The following VPS29 variants were observed in gnomAD, a reference collection of about 807,000 sequenced individuals.
The protein encoded by VPS29 is vacuolar protein sorting-associated protein 29.
A neutral mutation model predicts 20.0 loss-of-function variants in VPS29; 2 were observed. The observed-to-expected ratio is 0.10, with a 90% CI of 0.04 to 0.31. The LOEUF is 0.31. VPS29 is among the 10% of genes least tolerant of loss of function. The probability of loss-of-function intolerance (pLI) is 1.00; values close to 1 mark genes in which losing one functional copy is unlikely to be tolerated. For synonymous variants in VPS29, 81 were observed against 79.3 expected (o/e 1.02, Z -0.12); for missense variants, 120 against 215.3 (o/e 0.56, Z 2.77).
chr12:110,499,832 C>A lies in VPS29; in HGVS notation c.3+2217G>T, dbSNP rs141517367. ...GTCTTGTCAGTTTCTCCTACTTTTC[C>A]TAATCTTGTTCTGTACATCGACTTC... On this transcript the variant is annotated intron_variant, in intron 1 of 3. Coordinates refer to ENST00000549578, the MANE Select transcript of VPS29 (RefSeq NM_016226.5). Among the ~76,000 whole-genome samples, 709 of 152,216 alleles carry A rather than the reference C, an allele frequency of 4.7e-3. 4 individuals carry two copies. Among genetic ancestry groups the A allele is most frequent in the African/African-American group, 0.017 (691 of 41,542 alleles).
chr12:110,502,024 T>G, intron 1 of VPS29, 25 bp downstream of exon 1: 1 of 1,612,676 alleles, frequency 6.2e-7, no homozygotes, highest in Non-Finnish European at 8.5e-7. Flanking sequence ...AGCCAGGCCT[T>G]GGTCGCCGCA....
chr12:110,499,467 T>C (rs2062959876), intron 1 of VPS29: 3 of 1,602,296 alleles, frequency 1.9e-6, no homozygotes, highest in Non-Finnish European at 2.6e-6. Flanking sequence ...CTTAAAAGGG[T>C]AAGAAATCCA....
chr12:110,499,998 T>C (rs1426077618), intron 1 of VPS29, among the ~76,000 whole-genome samples: 9 of 152,354 alleles, frequency 5.9e-5, no homozygotes, highest in Middle Eastern at 3.4e-3. Flanking sequence ...GGTTTAATTA[T>C]TCAAGTATAT....
intron 2 of VPS29, 46 bp from the exon 3 acceptor site, chr12:110,493,277 T>C: frequency 2.2e-6 from 3 of 1,336,866 alleles, no homozygotes; most frequent in East Asian, 2.7e-5. Flanking sequence ...TTAGAGATAC[T>C]GATGTTTAAA....
Position 110,496,091 on chromosome 12 carries a change from T to C in VPS29, c.116A>G (p.Asn39Ser). 1.9e-6 allele frequency: 3 copies of C among 1,613,910 alleles called. No homozygotes were observed. Among genetic ancestry groups the C allele is most frequent in the East Asian group, 2.2e-5 (1 of 44,882 alleles). The change falls in exon 2 of 4, where the codon AAC (asparagine) becomes AGC (serine). Residue 39 changes from asparagine (N) to serine (S), a missense_variant. By Grantham distance (46) the Asn-to-Ser change is conservative. Transcript: ENST00000549578. ...GKIQHILCTG[N>S]LCTKESYDYL... ...GTCATAACTCTCTTTGGTGCAAAGG[T>C]TTCCTGTGCAGAGAATGTGCTGAAT...
At chr12:110,498,579 C>T (rs969329819) in intron 1 of VPS29, among the ~76,000 whole-genome samples, 2 of 152,110 alleles carry the variant, frequency 1.3e-5, no homozygotes, top group Admixed American at 6.6e-5. Context: ...GAAAAGGAAC[C>T]GTTACCAGGA....
intron 1 of VPS29, 33 bp from the exon 2 acceptor site, chr12:110,496,236 G>A: frequency 6.5e-7 from 1 of 1,536,708 alleles, no homozygotes; most frequent in Non-Finnish European, 8.9e-7. Context: ...AAAGCATAAT[G>A]TTAAACACAA....
chr12:110,501,958 C>G (rs775807036), intron 1 of VPS29, 91 bp downstream of exon 1: 32 of 1,610,646 alleles, frequency 2.0e-5, no homozygotes, highest in Non-Finnish European at 2.7e-5. Flanking sequence ...CGGGATTTCC[C>G]AATTCCTCGC....
intron 1 of VPS29, among the ~76,000 whole-genome samples, chr12:110,499,763 T>C (rs2062968576): frequency 6.6e-6 from 1 of 152,190 alleles, no homozygotes; most frequent in African/African-American, 2.4e-5. Context: ...AAATAAATAT[T>C]TGCTTTATTT....
At position 110,491,095 on chromosome 12, in the gene VPS29, T is replaced by C. The variant is rs1333961015; in HGVS notation, c.*910A>G. ...TTTTTTTGTTTTGTTTTGTTTTTTT[T>C]TGAGACGGAGTTATGCTCTTGTTGA... is the stretch of plus-strand genomic sequence containing the variant. On this transcript the variant is annotated 3_prime_UTR_variant, in exon 4 of 4. Coordinates refer to ENST00000549578, the MANE Select transcript of VPS29 (RefSeq NM_016226.5). The C allele has an allele frequency of 6.6e-6, 1 of 152,216 alleles. No individual in the cohort carries two copies. The highest frequency in any genetic ancestry group is 1.5e-5 in the Non-Finnish European group (1 of 68,108). The allele number at this position is 152,216 out of a possible 1,614,324, so 9.4% of individuals were successfully genotyped here. A position where few individuals can be genotyped will look rare whatever the true frequency, so the allele number is the denominator to read the frequency against.
intron 3 of VPS29, among the ~76,000 whole-genome samples, chr12:110,492,484 C>T (rs1240690149): frequency 6.6e-6 from 1 of 151,560 alleles, no homozygotes; most frequent in Non-Finnish European, 1.5e-5. Flanking sequence ...GCACAAGAAT[C>T]ACTTGAACCC....
In VPS29 at chr12:110,496,073, C is replaced by G. The variant is rs1176349039; in HGVS notation, c.134G>C (p.Ser45Thr). ...AGCCAGAGTCTTGAGATAGTCATAA[C>G]TCTCTTTGGTGCAAAGGTTTCCTGT... is the stretch of plus-strand genomic sequence containing the variant. ...LCTGNLCTKE[S>T]YDYLKTLAGD... Residue 45 changes from serine (S) to threonine (T), a missense_variant, in exon 2 of 4, where the codon AGT becomes ACT. Ser to Thr is a moderately conservative substitution (Grantham distance 58). Coordinates refer to ENST00000549578, the MANE Select transcript of VPS29 (RefSeq NM_016226.5). The G allele has an allele frequency of 6.2e-7, 1 of 1,613,234 alleles. No individual in the cohort carries two copies.
chr12:110,499,272 A>G (rs912596486), intron 1 of VPS29: 1 of 390,322 alleles, frequency 2.6e-6, no homozygotes, highest in Non-Finnish European at 4.7e-6. Context: ...ATAGTGTTAC[A>G]TAACACGTGT....
chr12:110,500,440 T>C (rs1211427783), intron 1 of VPS29, among the ~76,000 whole-genome samples: 1 of 152,202 alleles, frequency 6.6e-6, no homozygotes, highest in Admixed American at 6.5e-5. Flanking sequence ...CTCCCATGGA[T>C]AGGTGTCTCG....
chr12:110,491,745 A>T lies in VPS29; in HGVS notation c.*260T>A. The T allele has an allele frequency of 2.9e-6, 1 of 347,360 alleles. No homozygotes were observed. Among genetic ancestry groups the T allele is most frequent in the Middle Eastern group, 8.5e-4 (1 of 1,172 alleles). 21.5% of individuals were successfully genotyped at this position (347,360 alleles called of 1,614,324 possible). A position where few individuals can be genotyped will look rare whatever the true frequency, so the allele number is the denominator to read the frequency against. On this transcript the variant is annotated 3_prime_UTR_variant, in exon 4 of 4. Transcript: ENST00000549578. ...CCAAATATCAACTTTGAAGATACTT[A>T]CAAGGATAAATTTTTCTTAACAAGT... is the stretch of plus-strand genomic sequence containing the variant.
At chr12:110,499,302 C>A in intron 1 of VPS29, 1 of 466,868 alleles carries the variant, frequency 2.1e-6, no homozygotes, top group Non-Finnish European at 3.7e-6. Flanking sequence ...AAACATGTTC[C>A]CGCCCAAATT....
At chr12:110,498,894 A>G (rs2062949296) in intron 1 of VPS29, 2 of 953,224 alleles carry the variant, frequency 2.1e-6, no homozygotes, top group Non-Finnish European at 2.5e-6. Flanking sequence ...TAGTATGGGA[A>G]TCTTGCTTTG....
chr12:110,501,555 T>C (rs2063045378), intron 1 of VPS29: 1 of 1,535,396 alleles, frequency 6.5e-7, no homozygotes, highest in East Asian at 2.4e-5. Flanking sequence ...GTTTATTCCC[T>C]TTCCCTAGAT....
intron 1 of VPS29, chr12:110,501,818 G>A: frequency 8.5e-7 from 1 of 1,174,476 alleles, no homozygotes; most frequent in Non-Finnish European, 1.2e-6. Context: ...CCCTTGGATG[G>A]CCTCTGGCCC....
Sources: gnomAD v4.1 joint callset for allele counts (sites outside exome capture counted in the v4.1 genomes callset) on GRCh38, gnomAD v4.1.1 for gene constraint, MANE v1.5 for transcripts, NCBI Gene and HGNC (gene_info 2026-07-23, HGNC 2026-07-21) for gene names.